Variants in ADCY8 observed in about 807,000 individuals in gnomAD.
ADCY8 encodes the protein adenylate cyclase 8.
A neutral mutation model predicts 119.7 loss-of-function variants in ADCY8; 51 were observed. The ratio of observed to expected loss-of-function variants is 0.43; its 90% confidence interval spans 0.34 to 0.54. ADCY8 has a LOEUF of 0.54. Ranked by LOEUF, ADCY8 falls within the 20% of genes least tolerant of loss-of-function variation. The pLI, the probability that ADCY8 is intolerant of heterozygous loss-of-function variation, is 0.03. For missense variants in ADCY8, 1,383 were observed against 1,598.8 expected (o/e 0.87, Z 2.30); for synonymous variants, 665 against 651.0 (o/e 1.02, Z -0.33).
At position 131,040,310 on chromosome 8, in the gene ADCY8, G is replaced by A; in HGVS notation, c.24C>T (p.Cys8=). ...TGTAGAGTTCCTCGCTGCCTGTAAG[G>A]CAGCGCACATCGGAGAGCTCCATGG... MELSDVR[C]LTGSEELYTI... is the part of the protein sequence containing the mutation. Residue 8 remains cysteine, a synonymous_variant, in exon 1 of 18, where the codon TGC becomes TGT. Transcript: ENST00000286355. 3 of 1,540,546 alleles carry A rather than the reference G, an allele frequency of 1.9e-6. No homozygotes were observed. The highest frequency in any genetic ancestry group is 2.6e-6 in the Non-Finnish European group (3 of 1,148,170).
intron 1 of ADCY8, among the ~76,000 whole-genome samples, chr8:130,992,713 C>G (rs1407449308): frequency 6.6e-6 from 1 of 151,454 alleles, no homozygotes; most frequent in South Asian, 2.1e-4. Context: ...CCACGGACAG[C>G]CAAAAAAAAA....
In ADCY8 at chr8:130,954,866, C is replaced by T. The variant is rs150584478; in HGVS notation, c.1111-2868G>A. Among the ~76,000 whole-genome samples, 88 of 152,234 alleles carry T rather than the reference C, an allele frequency of 5.8e-4. 2 individuals carry two copies. The Middle Eastern group carries it at 0.017, about 29-fold the overall frequency. ...TAGAAAATTGTAAATTAAGGCAGCA[C>T]GTGGGATATTCCTATGATTGGAGCT... On this transcript the variant is annotated intron_variant, in intron 2 of 17. Transcript: ENST00000286355.
At chr8:130,873,467 C>T (rs144483947) in intron 8 of ADCY8, among the ~76,000 whole-genome samples, 1,730 of 152,090 alleles carry the variant, frequency 0.011, 39 homozygotes, top group African/African-American at 0.039. Context: ...TACAGGCATG[C>T]GCCACCACAC....
intron 9 of ADCY8, among the ~76,000 whole-genome samples, chr8:130,858,293 A>C (rs577230517): frequency 6.6e-6 from 1 of 152,140 alleles, no homozygotes; most frequent in Admixed American, 6.5e-5. Context: ...CCAGTCCAGG[A>C]TATCATCTTC....
intron 1 of ADCY8, among the ~76,000 whole-genome samples, chr8:131,028,100 A>G (rs1823876065): frequency 6.6e-6 from 1 of 152,236 alleles, no homozygotes; most frequent in Non-Finnish European, 1.5e-5. Context: ...GGAGTGTTGA[A>G]CTATCCTTCT....
intron 11 of ADCY8, among the ~76,000 whole-genome samples, chr8:130,846,828 TC>T (rs1401195138): frequency 6.6e-5 from 4 of 60,504 alleles, no homozygotes; most frequent in Non-Finnish European, 1.2e-4. Flanking sequence ...TTTCCTTCCT[TC>T]CCTCCCCTCC....
chr8:131,025,592 A>T (rs938772394), intron 1 of ADCY8, among the ~76,000 whole-genome samples: 5 of 152,228 alleles, frequency 3.3e-5, no homozygotes, highest in African/African-American at 9.6e-5. Context: ...AACAGTAGAG[A>T]CAAATAAATA....
intron 2 of ADCY8, among the ~76,000 whole-genome samples, chr8:130,969,328 G>A (rs1821855935): frequency 6.6e-6 from 1 of 152,130 alleles, no homozygotes; most frequent in African/African-American, 2.4e-5. Context: ...CCAGTCTGAT[G>A]GCTGTAGAAT....
intron 12 of ADCY8, among the ~76,000 whole-genome samples, chr8:130,825,214 A>G (rs1007639754): frequency 1.8e-4 from 27 of 152,190 alleles, no homozygotes; most frequent in African/African-American, 5.1e-4. Context: ...CCTCTCTTCT[A>G]GCTATTTAAA....
At chr8:130,781,692 C>A (rs2130030233) in intron 17 of ADCY8, among the ~76,000 whole-genome samples, 1 of 152,236 alleles carries the variant, frequency 6.6e-6, no homozygotes, top group African/African-American at 2.4e-5. Flanking sequence ...CTGACTTTCC[C>A]CCTGCTTGTG....
chr8:131,027,435 A>T (rs1395283731), intron 1 of ADCY8, among the ~76,000 whole-genome samples: 1 of 152,150 alleles, frequency 6.6e-6, no homozygotes, highest in Admixed American at 6.5e-5. Flanking sequence ...AGTGGTGAGA[A>T]TGCTAGCATA....
Position 131,040,721 on chromosome 8 carries a change from C to T in ADCY8, c.-388G>A, listed in dbSNP as rs1824369104. 1 of 166,632 alleles carries T rather than the reference C, an allele frequency of 6.0e-6. No homozygotes were observed. The highest frequency in any genetic ancestry group is 2.0e-4 in the South Asian group (1 of 4,982). 10.3% of individuals were successfully genotyped at this position (166,632 alleles called of 1,614,324 possible). Reference sequence around the variant, plus strand: ...CGCAGCCTTTGCTCTCCAAGAGACGCCTAAGCGCCTGGGCGCCGTGCTTCT... The same window carrying T: ...CGCAGCCTTTGCTCTCCAAGAGACGTCTAAGCGCCTGGGCGCCGTGCTTCT... On this transcript the variant is annotated 5_prime_UTR_variant, in exon 1 of 18. Coordinates refer to ENST00000286355, the MANE Select transcript of ADCY8 (RefSeq NM_001115.3).
chr8:130,838,878 G>T, intron 11 of ADCY8, among the ~76,000 whole-genome samples: 1 of 140,772 alleles, frequency 7.1e-6, no homozygotes, highest in South Asian at 2.8e-4. Context: ...TGCCAGCAAT[G>T]TGACCAAATG....
At chr8:130,885,624 T>C (rs1438966822) in intron 7 of ADCY8, among the ~76,000 whole-genome samples, 1 of 151,138 alleles carries the variant, frequency 6.6e-6, no homozygotes, top group Non-Finnish European at 1.5e-5. Flanking sequence ...CAGTGTTCAC[T>C]CACAGCACCA....
intron 1 of ADCY8, among the ~76,000 whole-genome samples, chr8:131,035,174 T>C (rs535628319): frequency 1.3e-5 from 2 of 152,232 alleles, no homozygotes; most frequent in African/African-American, 4.8e-5. Context: ...GGACAAGGTA[T>C]TCCTATCATT....
In ADCY8 at chr8:131,000,196, G is replaced by T. The variant is rs942669304; in HGVS notation, c.961-9654C>A. ...CTCCACAGTGGTAGGCCTGGGAATT[G>T]GGTACAGGAGGGTGGGGTCTAAGCA... is the stretch of plus-strand genomic sequence containing the variant. On this transcript the variant is annotated intron_variant, in intron 1 of 17. Transcript: ENST00000286355. Among the ~76,000 whole-genome samples, 116 of 152,144 alleles carry T rather than the reference G, an allele frequency of 7.6e-4. 1 individual carries two copies. The highest frequency in any genetic ancestry group is 5.9e-5 in the Non-Finnish European group (4 of 68,028).
chr8:131,022,130 T>A (rs535241215), intron 1 of ADCY8, among the ~76,000 whole-genome samples: 1 of 152,168 alleles, frequency 6.6e-6, no homozygotes, highest in Non-Finnish European at 1.5e-5. Flanking sequence ...CTGTTTTTTT[T>A]ATTATTATTA....
intron 15 of ADCY8, among the ~76,000 whole-genome samples, chr8:130,798,473 T>C (rs569417200): frequency 6.6e-6 from 1 of 152,222 alleles, no homozygotes; most frequent in Non-Finnish European, 1.5e-5. Context: ...GGTGGGCTTG[T>C]TGGCTTGTAA....
chr8:130,900,649 A>G (rs1370403850), intron 7 of ADCY8, among the ~76,000 whole-genome samples: 1 of 152,170 alleles, frequency 6.6e-6, no homozygotes, highest in African/African-American at 2.4e-5. Context: ...TCTTCTGACA[A>G]CTTTGACTGT....
Sources: allele counts gnomAD v4.1 joint callset (sites outside exome capture counted in the v4.1 genomes callset), GRCh38; gene constraint gnomAD v4.1.1; transcripts MANE v1.5; gene names NCBI Gene and HGNC (gene_info 2026-07-23, HGNC 2026-07-21).